TBC1D2: variants seen among roughly 807,000 people sequenced by gnomAD.
TBC1D2 encodes the protein TBC1 domain family member 2.
A neutral mutation model predicts 91.1 loss-of-function variants in TBC1D2; 58 were observed. That is an observed-to-expected ratio of 0.64 (90% confidence interval 0.52 to 0.79). The LOEUF (loss-of-function observed/expected upper bound fraction) is 0.79. Ranked by LOEUF, TBC1D2 falls within the 30% of genes least tolerant of loss-of-function variation. TBC1D2 has a pLI of 0.00. For synonymous variants in TBC1D2, 482 were observed against 511.5 expected (o/e 0.94, Z 0.78); for missense variants, 1,080 against 1,208.3 (o/e 0.89, Z 1.57).
intron 8 of TBC1D2, among the ~76,000 whole-genome samples, chr9:98,209,653 C>T (rs1331849631): frequency 6.6e-6 from 1 of 152,168 alleles, no homozygotes; most frequent in Non-Finnish European, 1.5e-5. Flanking sequence ...CTGTGCCCTG[C>T]CTGCACTATC....
chr9:98,232,248 G>T (rs574939773), intron 4 of TBC1D2, among the ~76,000 whole-genome samples: 2 of 152,008 alleles, frequency 1.3e-5, no homozygotes, highest in South Asian at 4.1e-4. Context: ...TATAGCACTG[G>T]CCTTCTCTTG....
In TBC1D2 at chr9:98,233,569, G is replaced by A; in HGVS notation, c.648-20C>T. On this transcript the variant is annotated intron_variant, in intron 3 of 12. Coordinates refer to ENST00000465784, the MANE Select transcript of TBC1D2 (RefSeq NM_001267571.2). ...GTGTTCCTGAAAGGAGACAAGAACA[G>A]AGGAGCATGAGGCTGAACCCTGCCT... The A allele has an allele frequency of 6.2e-7, 1 of 1,613,134 alleles. No homozygotes were observed. The highest frequency in any genetic ancestry group is 8.5e-7 in the Non-Finnish European group (1 of 1,179,438).
rs558789918 is a variant in TBC1D2 at position 98,213,171 on chromosome 9, C to T, written c.1422G>A (p.Glu474=). The T allele has an allele frequency of 2.3e-4, 374 of 1,614,182 alleles. No homozygotes were observed. In the South Asian group the frequency reaches 3.9e-3, roughly 17 times the overall value. The change falls in exon 7 of 13, where the codon GAG becomes GAA. Residue 474 remains glutamate, a synonymous_variant. Coordinates refer to ENST00000465784, the MANE Select transcript of TBC1D2 (RefSeq NM_001267571.2). ...YRTQNCFLNS[E]IHQVTKIWRK... Reference sequence around the variant, plus strand: ...TCCAGATCTTTGTGACCTGGTGGATCTCGGAGTTGAGGAAGCAGTTCTGGG... The same window carrying T: ...TCCAGATCTTTGTGACCTGGTGGATTTCGGAGTTGAGGAAGCAGTTCTGGG...
At chr9:98,209,870 C>T (rs1426908021) in intron 8 of TBC1D2, among the ~76,000 whole-genome samples, 1 of 151,414 alleles carries the variant, frequency 6.6e-6, no homozygotes, top group African/African-American at 2.4e-5. Flanking sequence ...ACTCTGTTGC[C>T]CAGGCTGGAC....
intron 4 of TBC1D2, among the ~76,000 whole-genome samples, chr9:98,233,195 T>C (rs773992161): frequency 1.3e-5 from 2 of 152,232 alleles, no homozygotes; most frequent in Admixed American, 6.5e-5. Flanking sequence ...ACATTGAATC[T>C]GCCGGCACCT....
In TBC1D2 at chr9:98,243,326, C is replaced by T. The variant is rs28680284; in HGVS notation, c.647+668G>A. On this transcript the variant is annotated intron_variant, in intron 3 of 12. Coordinates refer to ENST00000465784, the MANE Select transcript of TBC1D2 (RefSeq NM_001267571.2). ...GAAAATGTAGAGGAAAGAAATATAC[C>T]AAATGCTAAGAATATTTGTCTGGGT... 3.5e-3 allele frequency among the ~76,000 whole-genome samples: 535 copies of T among 151,494 alleles called. 2 individuals are homozygous for T. The highest frequency in any genetic ancestry group is 0.011 in the African/African-American group (471 of 41,314).
intron 4 of TBC1D2, among the ~76,000 whole-genome samples, chr9:98,230,138 T>C (rs1203491626): frequency 6.6e-6 from 1 of 152,178 alleles, no homozygotes; most frequent in Non-Finnish European, 1.5e-5. Flanking sequence ...CAAGGGCCCT[T>C]GAGAAGCTTG....
intron 2 of TBC1D2, 56 bp from the exon 3 acceptor site, chr9:98,244,185 G>C: frequency 6.2e-7 from 1 of 1,601,262 alleles, no homozygotes; most frequent in Non-Finnish European, 8.5e-7. Flanking sequence ...TGGAAAGACA[G>C]GTCAGGTGGG....
chr9:98,237,447 T>C (rs1409289042), intron 3 of TBC1D2, among the ~76,000 whole-genome samples: 1 of 151,960 alleles, frequency 6.6e-6, no homozygotes, highest in African/African-American at 2.4e-5. Context: ...AGCACCACTG[T>C]CTGGATTACT....
intron 9 of TBC1D2, among the ~76,000 whole-genome samples, chr9:98,207,839 G>C (rs565078735): frequency 6.6e-6 from 1 of 152,344 alleles, no homozygotes; most frequent in South Asian, 2.1e-4. Flanking sequence ...TCCCAGGACT[G>C]TGGCATGAAG....
At chr9:98,222,481 A>G (rs554395456) in intron 5 of TBC1D2, among the ~76,000 whole-genome samples, 1 of 152,224 alleles carries the variant, frequency 6.6e-6, no homozygotes, top group Non-Finnish European at 1.5e-5. Flanking sequence ...CAGAAACAAT[A>G]GAGCTTGATT....
Position 98,228,367 on chromosome 9 carries a change from C to G in TBC1D2, c.978+585G>C, listed in dbSNP as rs1453788373. ...TAGGATTTTGGAGTAGTTTTAATGT[C>G]TGTGTGTATGAGATCTGTTTTCTAC... On this transcript the variant is annotated intron_variant, in intron 5 of 12. Transcript: ENST00000465784. The surrounding 1 kb of genome is among the most constrained non-coding windows in gnomAD (Gnocchi z 4.0). Among the ~76,000 whole-genome samples, 1 of 152,202 alleles carries G rather than the reference C, an allele frequency of 6.6e-6. No homozygotes were observed. The highest frequency in any genetic ancestry group is 1.5e-5 in the Non-Finnish European group (1 of 68,044).
chr9:98,209,521 T>C (rs781401361), intron 8 of TBC1D2, among the ~76,000 whole-genome samples: 1 of 152,126 alleles, frequency 6.6e-6, no homozygotes, highest in African/African-American at 2.4e-5. Flanking sequence ...GAACCCCACT[T>C]ACCACAGCCA....
rs1444752030 is a variant in TBC1D2 at position 98,255,437 on chromosome 9, C to T, written c.105G>A (p.Gly35=). Residue 35 remains glycine (G), a synonymous_variant, in exon 1 of 13, where the codon GGG becomes GGA. Coordinates refer to ENST00000465784, the MANE Select transcript of TBC1D2 (RefSeq NM_001267571.2). ...CCGCCTCCAGGGACCGGGCGCAGTC[C>T]CCCGATTCTTCCTCCGGAGGCGGCA... The part of the protein sequence containing the change: ...PQVPPPEEES[G]DCARSLEAVP... 5 of 1,607,214 alleles carry T rather than the reference C, an allele frequency of 3.1e-6. No homozygotes were observed. The highest frequency in any genetic ancestry group is 4.3e-6 in the Non-Finnish European group (5 of 1,175,314).
Position 98,251,779 on chromosome 9 carries a change from G to A in TBC1D2, c.511+6C>T. On this transcript the variant is annotated splice_donor_region_variant and intron_variant, in intron 2 of 12. Transcript: ENST00000465784. The stretch of plus-strand genomic sequence containing the variant: ...TGTGCAGGCAGGAGGGTAGCCCATT[G>A]GGTACCTAGCTCGAGGTGCAGGACG... 1.3e-6 allele frequency: 2 copies of A among 1,576,736 alleles called. No individual in the cohort carries two copies. The highest frequency in any genetic ancestry group is 2.3e-5 in the South Asian group (2 of 87,394).
Position 98,203,323 on chromosome 9 carries a change from C to G in TBC1D2, c.2236G>C (p.Ala746Pro). 6.2e-7 allele frequency: 1 copy of G among 1,614,246 alleles called. No homozygotes were observed. Among genetic ancestry groups the G allele is most frequent in the Non-Finnish European group, 8.5e-7 (1 of 1,180,044 alleles). Reference protein sequence around the residue: ...LVAIVETIMPADYYCNTLTAS... With the variant: ...LVAIVETIMPPDYYCNTLTAS... ...GTCAGCGTGTTGCAGTAGTAATCAG[C>G]GGGCATGATGGTCTCCACAATGGCC... The change falls in exon 10 of 13, where the codon GCT becomes CCT. Residue 746 changes from alanine to proline, a missense_variant. By Grantham distance (27) the Ala-to-Pro change is conservative. Transcript: ENST00000465784.
At chr9:98,208,555 T>A in intron 9 of TBC1D2, 113 bp downstream of exon 9, 1 of 1,013,226 alleles carries the variant, frequency 9.9e-7, no homozygotes, top group Non-Finnish European at 1.4e-6. Context: ...GCTCACCTCC[T>A]GCTGTGCGGC....
chr9:98,224,853 G>A (rs1032112720), intron 5 of TBC1D2, among the ~76,000 whole-genome samples: 1 of 152,086 alleles, frequency 6.6e-6, no homozygotes, highest in Non-Finnish European at 1.5e-5. Flanking sequence ...TCTAAGGAGG[G>A]TAGCTCAGGT....
chr9:98,244,434 G>C (rs994526621), intron 2 of TBC1D2, among the ~76,000 whole-genome samples: 1 of 151,984 alleles, frequency 6.6e-6, no homozygotes, highest in African/African-American at 2.4e-5. Flanking sequence ...TGAGATGGGC[G>C]GATCACCTGA....
Sources: gnomAD v4.1 joint callset for allele counts (sites outside exome capture counted in the v4.1 genomes callset) on GRCh38, gnomAD v4.1.1 for gene constraint, Gnocchi (gnomAD v3.1) non-coding constraint, MANE v1.5 for transcripts, NCBI Gene and HGNC (gene_info 2026-07-23, HGNC 2026-07-21) for gene names.